The following PCDH15 variants were observed in gnomAD, a reference collection of about 807,000 sequenced individuals.
PCDH15 encodes protocadherin related 15, also known as protocadherin-15.
A neutral mutation model predicts 178.5 loss-of-function variants in PCDH15; 129 were observed. The ratio of observed to expected loss-of-function variants is 0.72; its 90% CI spans 0.63 to 0.84. The LOEUF (loss-of-function observed/expected upper bound fraction) is 0.84. PCDH15 is among the 40% of genes least tolerant of loss of function. PCDH15 has a pLI of 0.00. For missense variants in PCDH15, 2,230 were observed against 2,099.9 expected (o/e 1.06, Z -1.21); for synonymous variants, 800 against 732.0 (o/e 1.09, Z -1.50).
At chr10:55,237,308 A>G (rs1841408615) in intron 1 of PCDH15, among the ~76,000 whole-genome samples, 1 of 152,138 alleles carries the variant, frequency 6.6e-6, no homozygotes, top group Non-Finnish European at 1.5e-5. Context: ...AAGACAGGTT[A>G]TGAGCTAATT....
At chr10:54,744,904 A>T (rs1382217523) in intron 1 of PCDH15, among the ~76,000 whole-genome samples, 2 of 152,066 alleles carry the variant, frequency 1.3e-5, no homozygotes, top group African/African-American at 4.8e-5. Context: ...TTCAGCAAAA[A>T]CATTTTATCT....
intron 2 of PCDH15, among the ~76,000 whole-genome samples, chr10:55,025,015 T>C (rs1840439685): frequency 6.6e-6 from 1 of 152,152 alleles, no homozygotes; most frequent in Admixed American, 6.5e-5. Context: ...ACTTAAGGTT[T>C]CCAGTGCCCA....
At position 54,369,103 on chromosome 10, in the gene PCDH15, A is replaced by T. The variant is rs905755240; in HGVS notation, c.474+17T>A. Reference sequence around the variant, plus strand: ...ATATCAACAGAAAGGACAGAGAGAGAGTAAATAGAAACTGACCTCATTCAC... The same window carrying T: ...ATATCAACAGAAAGGACAGAGAGAGTGTAAATAGAAACTGACCTCATTCAC... On this transcript the variant is annotated intron_variant, in intron 5 of 37. Transcript: ENST00000644397. 1 of 1,611,924 alleles carries T rather than the reference A, an allele frequency of 6.2e-7. No individual in the cohort carries two copies. Among genetic ancestry groups the T allele is most frequent in the Non-Finnish European group, 8.5e-7 (1 of 1,178,676 alleles).
At chr10:54,515,537 G>T (rs1226663284) in intron 3 of PCDH15, among the ~76,000 whole-genome samples, 2 of 152,242 alleles carry the variant, frequency 1.3e-5, no homozygotes, top group Non-Finnish European at 2.9e-5. Flanking sequence ...GGCCTCTGTA[G>T]GCTCCACCTC....
chr10:54,784,740 TG>T (rs148553097), intron 1 of PCDH15, among the ~76,000 whole-genome samples: 2,120 of 152,140 alleles, frequency 0.014, 38 homozygotes, highest in African/African-American at 0.048. Flanking sequence ...AAATAAATAC[TG>T]GGAAAAAGGC....
At chr10:55,310,306 A>T (rs1843552675) in intron 1 of PCDH15, among the ~76,000 whole-genome samples, 1 of 152,084 alleles carries the variant, frequency 6.6e-6, no homozygotes, top group Admixed American at 6.6e-5. Flanking sequence ...TTCTTAATAA[A>T]TTTTTCGTAA....
At chr10:54,853,279 A>ATGTG (rs1236264440) in intron 3 of PCDH15, among the ~76,000 whole-genome samples, 1 of 91,280 alleles carries the variant, frequency 1.1e-5, no homozygotes, top group African/African-American at 4.1e-5. Context: ...ATATATGTGT[A>ATGTG]TGTATGTGTG....
At chr10:54,543,914 C>A (rs1479235119) in intron 2 of PCDH15, among the ~76,000 whole-genome samples, 1 of 152,172 alleles carries the variant, frequency 6.6e-6, no homozygotes, top group Non-Finnish European at 1.5e-5. Context: ...CAATACATAA[C>A]ATTTCTCATT....
chr10:55,560,643 A>G (rs1056420679), intron 2 of PCDH15, among the ~76,000 whole-genome samples: 1 of 151,934 alleles, frequency 6.6e-6, no homozygotes, highest in Non-Finnish European at 1.5e-5. Context: ...AAATCAATTC[A>G]GTAATGAAAA....
rs1300689469 is a variant in PCDH15, at chr10:54,105,311, TATATATAC to T, written c.1918-15256_1918-15249del. Among the ~76,000 whole-genome samples the T allele has an allele frequency of 3.6e-3, 285 of 79,516 alleles. 1 individual carries two copies. The highest frequency in any genetic ancestry group is 0.016 in the African/African-American group (218 of 13,644). The allele number at this position is 79,516 out of a possible 152,430, so 52.2% of individuals were successfully genotyped here. A position where few individuals can be genotyped will look rare whatever the true frequency, so the allele number is the denominator to read the frequency against. On this transcript the variant is annotated intron_variant, in intron 15 of 37. Transcript: ENST00000644397. ...ATATATATATATATATATATATATATATATATACACACACACATACATATATATACACA... is the reference window on the plus strand; with the variant it reads ...ATATATATATATATATATATATATATACACACACATACATATATATACACA...
chr10:54,478,653 T>C (rs1565377632), intron 3 of PCDH15, among the ~76,000 whole-genome samples: 1 of 152,112 alleles, frequency 6.6e-6, no homozygotes, highest in Non-Finnish European at 1.5e-5. Context: ...CTTTGCACTC[T>C]CTTTACATTA....
intron 3 of PCDH15, among the ~76,000 whole-genome samples, chr10:54,492,256 A>G (rs1000419046): frequency 2.0e-5 from 3 of 152,142 alleles, no homozygotes; most frequent in Non-Finnish European, 2.9e-5. Flanking sequence ...AGATACAAAG[A>G]CCTGTACCAC....
intron 1 of PCDH15, among the ~76,000 whole-genome samples, chr10:55,210,341 A>G (rs1840525013): frequency 6.6e-6 from 1 of 151,996 alleles, no homozygotes; most frequent in African/African-American, 2.4e-5. Context: ...CCCAGAAAAT[A>G]GTAGATAAAT....
At chr10:55,518,489 A>AAGAGCAGAGAGTAAAACACAGAT (rs1841073816) in intron 2 of PCDH15, among the ~76,000 whole-genome samples, 1 of 151,982 alleles carries the variant, frequency 6.6e-6, no homozygotes, top group African/African-American at 2.4e-5. Context: ...AGCAGACAGA[A>AAGAGCAGAGAGTAAAACACAGAT]AGAGCAGAGA....
chr10:54,157,121 C>T (rs192713603), intron 13 of PCDH15, among the ~76,000 whole-genome samples: 9 of 152,288 alleles, frequency 5.9e-5, no homozygotes, highest in Admixed American at 3.3e-4. Context: ...ATCTACCATT[C>T]TGGGCTCTGG....
intron 2 of PCDH15, among the ~76,000 whole-genome samples, chr10:55,369,233 G>T (rs1845438433): frequency 6.6e-6 from 1 of 151,980 alleles, no homozygotes; most frequent in African/African-American, 2.4e-5. Flanking sequence ...CAGCATTTCA[G>T]CTAAAACATA....
At chr10:54,032,531 C>A (rs1334860992) in intron 18 of PCDH15, among the ~76,000 whole-genome samples, 3 of 151,810 alleles carry the variant, frequency 2.0e-5, no homozygotes, top group African/African-American at 7.3e-5. Flanking sequence ...CCCCAACCAC[C>A]CAAACACATG....
intron 23 of PCDH15, among the ~76,000 whole-genome samples, chr10:53,944,657 C>T (rs1255412203): frequency 6.6e-6 from 1 of 152,170 alleles, no homozygotes; most frequent in Non-Finnish European, 1.5e-5. Context: ...ACAAACTGCA[C>T]TCTTAAAAGA....
At chr10:55,469,389 T>C (rs1328471967) in intron 2 of PCDH15, among the ~76,000 whole-genome samples, 1 of 152,182 alleles carries the variant, frequency 6.6e-6, no homozygotes, top group Non-Finnish European at 1.5e-5. Context: ...TATGTATGTA[T>C]ATATGTATGC....
Sources: gnomAD v4.1 joint callset for allele counts (sites outside exome capture counted in the v4.1 genomes callset) on GRCh38, gnomAD v4.1.1 for gene constraint, MANE v1.5 for transcripts, NCBI Gene and HGNC (gene_info 2026-07-23, HGNC 2026-07-21) for gene names.